ATP9B: variants seen among roughly 807,000 people sequenced by gnomAD.
ATP9B encodes the protein probable phospholipid-transporting ATPase IIB.
Under a neutral mutation model 146.1 loss-of-function variants are expected in ATP9B, and 110 were observed. The observed-to-expected ratio is 0.75, with a 90% CI of 0.65 to 0.88. ATP9B has a LOEUF of 0.88. ATP9B is among the 40% of genes least tolerant of loss of function. The probability of loss-of-function intolerance (pLI) is 0.00; values close to 1 mark genes in which losing one functional copy is unlikely to be tolerated. For synonymous variants in ATP9B, 604 were observed against 569.7 expected (o/e 1.06, Z -0.86); for missense variants, 1,499 against 1,496.4 (o/e 1.00, Z -0.03).
intron 26 of ATP9B, among the ~76,000 whole-genome samples, chr18:79,368,055 C>A (rs1347083541): frequency 6.6e-6 from 1 of 152,180 alleles, no homozygotes; most frequent in East Asian, 1.9e-4. Context: ...GGAGTGTCGC[C>A]CTGGGTGGGC....
At chr18:79,194,354 C>G (rs879637207) in intron 9 of ATP9B, 1 of 152,048 alleles carries the variant, frequency 6.6e-6, no homozygotes, top group African/African-American at 2.4e-5. Flanking sequence ...TTGCTGTTTC[C>G]TCTAATTTAT....
At chr18:79,187,527 A>G (rs1346617156) in intron 8 of ATP9B, among the ~76,000 whole-genome samples, 1 of 152,236 alleles carries the variant, frequency 6.6e-6, no homozygotes, top group Non-Finnish European at 1.5e-5. Flanking sequence ...CCACCTACAC[A>G]TCTACAGCTC....
chr18:79,368,289 G>C (rs561333037), intron 26 of ATP9B, among the ~76,000 whole-genome samples: 1 of 152,366 alleles, frequency 6.6e-6, no homozygotes, highest in African/African-American at 2.4e-5. Flanking sequence ...GGTCCCAGCT[G>C]CCCGGGCTGG....
intron 7 of ATP9B, among the ~76,000 whole-genome samples, chr18:79,157,409 A>C (rs112370691): frequency 1.4e-5 from 2 of 147,484 alleles, no homozygotes; most frequent in East Asian, 4.1e-4. Context: ...AAAAAAAAAA[A>C]AAAAAAAAAA....
intron 12 of ATP9B, among the ~76,000 whole-genome samples, chr18:79,263,419 C>T (rs534115041): frequency 1.3e-5 from 2 of 152,294 alleles, no homozygotes; most frequent in East Asian, 3.9e-4. Context: ...CCCTCAGATA[C>T]GGAGGGTTGA....
chr18:79,329,444 A>G, intron 16 of ATP9B, 142 bp downstream of exon 16: 1 of 959,150 alleles, frequency 1.0e-6, no homozygotes, highest in East Asian at 2.9e-5. Flanking sequence ...TTTTTTTTTA[A>G]TGAAATCTAA....
chr18:79,071,889 G>T (rs68178960), intron 1 of ATP9B, among the ~76,000 whole-genome samples: 1,468 of 91,192 alleles, frequency 0.016, 22 homozygotes, highest in African/African-American at 0.044. Flanking sequence ...GTTTGGTTTT[G>T]TTTTTTTTTT....
rs539661889 is a variant in ATP9B at position 79,100,020 on chromosome 18, G to A, written c.293+3371G>A. ...TGCACCTGTAGCCCCAGCTATGCGGGAGGCTGAGGCACAGGAGAATCACTT... is the reference window on the plus strand; with the variant it reads ...TGCACCTGTAGCCCCAGCTATGCGGAAGGCTGAGGCACAGGAGAATCACTT... On this transcript the variant is annotated intron_variant, in intron 2 of 29. Coordinates refer to ENST00000426216, the MANE Select transcript of ATP9B (RefSeq NM_198531.5). 4.5e-4 allele frequency among the ~76,000 whole-genome samples: 69 copies of A among 152,260 alleles called. 1 individual carries two copies. The highest frequency in any genetic ancestry group is 1.6e-3 in the African/African-American group (67 of 41,544).
intron 13 of ATP9B, among the ~76,000 whole-genome samples, chr18:79,282,490 A>G (rs1287581311): frequency 6.6e-6 from 1 of 152,164 alleles, no homozygotes; most frequent in East Asian, 1.9e-4. Context: ...TTAAGACAAG[A>G]CCCTCTACCA....
chr18:79,094,338 C>G (rs2074603226), intron 1 of ATP9B, among the ~76,000 whole-genome samples: 1 of 152,200 alleles, frequency 6.6e-6, no homozygotes, highest in African/African-American at 2.4e-5. Context: ...CTGGTTTATC[C>G]CATGTCTCCA....
At chr18:79,290,284 T>G (rs891779925) in intron 13 of ATP9B, among the ~76,000 whole-genome samples, 2 of 152,114 alleles carry the variant, frequency 1.3e-5, no homozygotes, top group African/African-American at 2.4e-5. Flanking sequence ...TGGAGCTTCC[T>G]GGCTGCTTTG....
intron 2 of ATP9B, among the ~76,000 whole-genome samples, chr18:79,107,623 G>C (rs1163867400): frequency 6.6e-6 from 1 of 152,106 alleles, no homozygotes. Flanking sequence ...GCTTCCATAG[G>C]GTCACTTGCT....
chr18:79,100,982 A>G (rs954479688), intron 2 of ATP9B, among the ~76,000 whole-genome samples: 3 of 152,214 alleles, frequency 2.0e-5, no homozygotes, highest in African/African-American at 7.2e-5. Context: ...TAAATGCAAG[A>G]TGAGATTTGG....
chr18:79,144,063 A>G, intron 6 of ATP9B: 1 of 377,056 alleles, frequency 2.7e-6, no homozygotes, highest in Non-Finnish European at 4.7e-6. Flanking sequence ...TGTGCAGGCA[A>G]AGTCATATTT....
At chr18:79,165,811 G>C (rs1413668283) in intron 7 of ATP9B, among the ~76,000 whole-genome samples, 1 of 152,140 alleles carries the variant, frequency 6.6e-6, no homozygotes, top group African/African-American at 2.4e-5. Flanking sequence ...ATTTTCCCCA[G>C]ACTCATGTTG....
At chr18:79,180,492 A>G (rs1309018237) in intron 8 of ATP9B, among the ~76,000 whole-genome samples, 1 of 152,056 alleles carries the variant, frequency 6.6e-6, no homozygotes, top group African/African-American at 2.4e-5. Flanking sequence ...CATCCTTTGT[A>G]TTCATGTCAG....
rs775592827 is a variant in ATP9B, at chr18:79,345,581, C to G, written c.2617+9C>G. 1.2e-6 allele frequency: 2 copies of G among 1,604,994 alleles called. No homozygotes were observed. Among genetic ancestry groups the G allele is most frequent in the African/African-American group, 2.7e-5 (2 of 74,886 alleles). On this transcript the variant is annotated intron_variant, in intron 22 of 29. Transcript: ENST00000426216. The stretch of plus-strand genomic sequence containing the variant: ...ACGCACCTGCGCCATCGGTGAGAGC[C>G]GCCCACCCTGCTCACAGGGAGGTCT...
intron 9 of ATP9B, among the ~76,000 whole-genome samples, chr18:79,202,755 GA>G (rs1320519552): frequency 1.3e-5 from 2 of 152,134 alleles, no homozygotes; most frequent in African/African-American, 4.8e-5. Context: ...TTCCAGAACT[GA>G]AAGAAAGATG....
intron 15 of ATP9B, 153 bp downstream of exon 15, chr18:79,307,387 A>G (rs1197700989): frequency 8.8e-7 from 1 of 1,140,432 alleles, no homozygotes; most frequent in East Asian, 2.6e-5. Flanking sequence ...TGCCCAACCT[A>G]TTCCAGCATG....
Sources: allele counts gnomAD v4.1 joint callset (sites outside exome capture counted in the v4.1 genomes callset), GRCh38; gene constraint gnomAD v4.1.1; transcripts MANE v1.5; gene names NCBI Gene and HGNC (gene_info 2026-07-23, HGNC 2026-07-21).